CLDN1: variants seen among roughly 807,000 people sequenced by gnomAD.
CLDN1 encodes claudin-1.
In CLDN1, 12 loss-of-function variants were observed where a neutral mutation model predicts 22.6. The ratio of observed to expected loss-of-function variants is 0.53; its 90% CI spans 0.34 to 0.86. The LOEUF (loss-of-function observed/expected upper bound fraction) is 0.86. Ranked by LOEUF, CLDN1 falls within the 40% of genes least tolerant of loss-of-function variation. CLDN1 has a pLI of 0.02. For missense variants in CLDN1, 250 were observed against 269.5 expected (o/e 0.93, Z 0.51); for synonymous variants, 99 against 103.8 (o/e 0.95, Z 0.28).
chr3:190,313,083 A>T, intron 1 of CLDN1, 47 bp from the exon 2 acceptor site: 1 of 1,610,332 alleles, frequency 6.2e-7, no homozygotes, highest in Non-Finnish European at 8.5e-7. Context: ...TTGGACCAAC[A>T]AGAGAAAAAT....
In CLDN1 at chr3:190,306,194, TC is replaced by T. The variant is rs1310862144; in HGVS notation, c.*2082del. 6.6e-6 allele frequency: 1 copy of T among 152,204 alleles called. No homozygotes were observed. The highest frequency in any genetic ancestry group is 1.5e-5 in the Non-Finnish European group (1 of 68,032). 9.4% of individuals were successfully genotyped at this position (152,204 alleles called of 1,614,324 possible). ...TATGAGTTATTATGATTCAAAAATC[TC>T]CCTTGCTGTTGGATTTACCAACACG... On this transcript the variant is annotated 3_prime_UTR_variant, in exon 4 of 4. Coordinates refer to ENST00000295522, the MANE Select transcript of CLDN1 (RefSeq NM_021101.5).
In CLDN1 at chr3:190,322,246, T is replaced by A. The variant is rs987578210; in HGVS notation, c.-40A>T. 1.3e-6 allele frequency: 2 copies of A among 1,587,270 alleles called. No individual in the cohort carries two copies. Among genetic ancestry groups the A allele is most frequent in the Non-Finnish European group, 8.6e-7 (1 of 1,158,810 alleles). ...CCCGCGCTGGCTCAGGGGTGGCAGG[T>A]GCAGAAGGCGGAGAGTTTGCAGGTG... On this transcript the variant is annotated 5_prime_UTR_variant, in exon 1 of 4. Coordinates refer to ENST00000295522, the MANE Select transcript of CLDN1 (RefSeq NM_021101.5).
chr3:190,308,152 G>T lies in CLDN1; in HGVS notation c.*125C>A. ...TAACACATGGGTTTTTTGTTTGTTT[G>T]TTTGTTTTGTAATACCATACTTCAG... is the stretch of plus-strand genomic sequence containing the variant. On this transcript the variant is annotated 3_prime_UTR_variant, in exon 4 of 4. Coordinates refer to ENST00000295522, the MANE Select transcript of CLDN1 (RefSeq NM_021101.5). 7.8e-6 allele frequency: 9 copies of T among 1,151,900 alleles called. No homozygotes were observed. In the Admixed American group the frequency reaches 8.9e-5, roughly 11 times the overall value. 71.4% of individuals were successfully genotyped at this position (1,151,900 alleles called of 1,614,324 possible).
At chr3:190,313,820 A>G (rs1432698297) in intron 1 of CLDN1, among the ~76,000 whole-genome samples, 1 of 152,144 alleles carries the variant, frequency 6.6e-6, no homozygotes, top group African/African-American at 2.4e-5. Context: ...TTTTTGGTGT[A>G]CTAACTCATG....
Position 190,308,214 on chromosome 3 carries a change from T to C in CLDN1, c.*63A>G, listed in dbSNP as rs1716510974. The C allele has an allele frequency of 6.3e-7, 1 of 1,575,246 alleles. No homozygotes were observed. Among genetic ancestry groups the C allele is most frequent in the Non-Finnish European group, 8.7e-7 (1 of 1,145,898 alleles). The stretch of plus-strand genomic sequence containing the variant: ...CAAAATTCTAAGGTCCTAATGTTAA[T>C]GATAGTATCTCAATGTCCATTTTCG... On this transcript the variant is annotated 3_prime_UTR_variant, in exon 4 of 4. Coordinates refer to ENST00000295522, the MANE Select transcript of CLDN1 (RefSeq NM_021101.5).
intron 2 of CLDN1, among the ~76,000 whole-genome samples, chr3:190,310,788 GGAATACCT>G (rs1337727209): frequency 1.3e-5 from 2 of 152,220 alleles, no homozygotes; most frequent in South Asian, 4.1e-4. Flanking sequence ...ATTGGCCAAG[GGAATACCT>G]GATATAGGTA....
intron 1 of CLDN1, among the ~76,000 whole-genome samples, chr3:190,320,076 G>T (rs1369864653): frequency 6.6e-6 from 1 of 151,898 alleles, no homozygotes; most frequent in Non-Finnish European, 1.5e-5. Context: ...GTGTGTGTGG[G>T]GGGGTAGGTA....
chr3:190,322,128 G>A lies in CLDN1; in HGVS notation c.79C>T (p.Leu27=), dbSNP rs756491797. 6.2e-7 allele frequency: 1 copy of A among 1,614,250 alleles called. No homozygotes were observed. The highest frequency in any genetic ancestry group is 1.1e-5 in the South Asian group (1 of 91,092). Residue 27 remains leucine, a synonymous_variant, in exon 1 of 4, where the codon CTG becomes TTG. Coordinates refer to ENST00000295522, the MANE Select transcript of CLDN1 (RefSeq NM_021101.5). ...TAGGAGTAAATCCTCCACTGGGGCA[G>A]GGCAGTGCTGACGATGGCGCCGATC... ...GWIGAIVSTA[L]PQWRIYSYAG... is the part of the protein sequence containing the mutation.
chr3:190,310,206 G>C lies in CLDN1; in HGVS notation c.436C>G (p.Gln146Glu), dbSNP rs745633918. Residue 146 changes from glutamine to glutamate, a missense_variant, in exon 3 of 4, where the codon CAA becomes GAA. Gln to Glu is a conservative substitution (Grantham distance 29). Transcript: ENST00000295522. ...GGGGTCATAGGGTCATAGAATTCTTGAACGATTCTATTGCCATACCATGCT... is the reference window on the plus strand; with the variant it reads ...GGGGTCATAGGGTCATAGAATTCTTCAACGATTCTATTGCCATACCATGCT... ...ATAWYGNRIV[Q>E]EFYDPMTPVN... 1 of 1,613,844 alleles carries C rather than the reference G, an allele frequency of 6.2e-7. No individual in the cohort carries two copies. Among genetic ancestry groups the C allele is most frequent in the South Asian group, 1.1e-5 (1 of 91,060 alleles).
chr3:190,316,497 CCAGT>C (rs1299354958), intron 1 of CLDN1, among the ~76,000 whole-genome samples: 3 of 152,144 alleles, frequency 2.0e-5, no homozygotes, highest in Non-Finnish European at 4.4e-5. Flanking sequence ...TGATAGGTTA[CCAGT>C]CAAAGTAAGC....
chr3:190,322,358 TC>T lies in CLDN1; in HGVS notation c.-153del. 2 of 745,102 alleles carry T rather than the reference TC, an allele frequency of 2.7e-6. No homozygotes were observed. Among genetic ancestry groups the T allele is most frequent in the East Asian group, 5.4e-5 (2 of 37,146 alleles). 46.2% of individuals were successfully genotyped at this position (745,102 alleles called of 1,614,324 possible). A position where few individuals can be genotyped will look rare whatever the true frequency, so the allele number is the denominator to read the frequency against. On this transcript the variant is annotated 5_prime_UTR_variant, in exon 1 of 4. Transcript: ENST00000295522. ...CTCGCTGCGCCGCCGCTGGAGAAGC[TC>T]TGGGTCGGGGTTGGGGTCCGCGCCC... is the stretch of plus-strand genomic sequence containing the variant.
In CLDN1 at chr3:190,322,430, G is replaced by A. The variant is rs1469688598; in HGVS notation, c.-224C>T. 1 of 587,630 alleles carries A rather than the reference G, an allele frequency of 1.7e-6. No individual in the cohort carries two copies. Among genetic ancestry groups the A allele is most frequent in the Non-Finnish European group, 3.0e-6 (1 of 328,396 alleles). The allele number at this position is 587,630 out of a possible 1,614,324, so 36.4% of individuals were successfully genotyped here. On this transcript the variant is annotated 5_prime_UTR_variant, in exon 1 of 4. Transcript: ENST00000295522. Reference sequence around the variant, plus strand: ...ATACTAGAAGCTGCGGTTGCTCCCAGGCTCGGGAACTGAGACGCAGAACCG... The same window carrying A: ...ATACTAGAAGCTGCGGTTGCTCCCAAGCTCGGGAACTGAGACGCAGAACCG...
chr3:190,316,483 G>A (rs1398612109), intron 1 of CLDN1, among the ~76,000 whole-genome samples: 1 of 152,196 alleles, frequency 6.6e-6, no homozygotes, highest in Non-Finnish European at 1.5e-5. Flanking sequence ...CAAGGCGTAG[G>A]TAATGATAGG....
intron 1 of CLDN1, 115 bp from the exon 2 acceptor site, chr3:190,313,151 T>C: frequency 2.5e-6 from 3 of 1,183,362 alleles, no homozygotes; most frequent in Non-Finnish European, 1.2e-6. Context: ...GGACTAGGAA[T>C]CTAGAGACCC....
intron 1 of CLDN1, among the ~76,000 whole-genome samples, chr3:190,317,146 G>T (rs542519453): frequency 1.3e-5 from 2 of 152,178 alleles, no homozygotes; most frequent in South Asian, 4.2e-4. Flanking sequence ...CTTTGAATTG[G>T]TCTGATTAGA....
At chr3:190,312,088 A>G (rs1464788038) in intron 2 of CLDN1, among the ~76,000 whole-genome samples, 2 of 151,396 alleles carry the variant, frequency 1.3e-5, no homozygotes, top group African/African-American at 2.4e-5. Flanking sequence ...GCACCACCAC[A>G]CCCAGCTAAT....
In CLDN1 at chr3:190,322,435, G is replaced by A. The variant is rs921753002; in HGVS notation, c.-229C>T. On this transcript the variant is annotated 5_prime_UTR_variant, in exon 1 of 4. Coordinates refer to ENST00000295522, the MANE Select transcript of CLDN1 (RefSeq NM_021101.5). ...AGAAGCTGCGGTTGCTCCCAGGCTC[G>A]GGAACTGAGACGCAGAACCGCTGGG... 3.4e-6 allele frequency: 2 copies of A among 583,330 alleles called. No individual in the cohort carries two copies. Among genetic ancestry groups the A allele is most frequent in the African/African-American group, 1.9e-5 (1 of 53,606 alleles). 36.1% of individuals were successfully genotyped at this position (583,330 alleles called of 1,614,324 possible).
At chr3:190,316,698 C>T (rs531546199) in intron 1 of CLDN1, among the ~76,000 whole-genome samples, 1 of 152,132 alleles carries the variant, frequency 6.6e-6, no homozygotes, top group Non-Finnish European at 1.5e-5. Flanking sequence ...TCTAAAGCAC[C>T]AAGCACAGTA....
rs1716954868 is a variant in CLDN1 at position 190,322,426 on chromosome 3, C to G, written c.-220G>C. 3.4e-6 allele frequency: 2 copies of G among 589,532 alleles called. No individual in the cohort carries two copies. Among genetic ancestry groups the G allele is most frequent in the Non-Finnish European group, 6.1e-6 (2 of 329,688 alleles). 36.5% of individuals were successfully genotyped at this position (589,532 alleles called of 1,614,324 possible). On this transcript the variant is annotated 5_prime_UTR_variant, in exon 1 of 4. Transcript: ENST00000295522. ...CTGGATACTAGAAGCTGCGGTTGCT[C>G]CCAGGCTCGGGAACTGAGACGCAGA...
Sources: gnomAD v4.1 joint callset for allele counts (sites outside exome capture counted in the v4.1 genomes callset) on GRCh38, gnomAD v4.1.1 for gene constraint, MANE v1.5 for transcripts, NCBI Gene and HGNC (gene_info 2026-07-23, HGNC 2026-07-21) for gene names.